ASIC2: variants seen among roughly 807,000 people sequenced by gnomAD.
ASIC2 encodes the protein acid sensing ion channel subunit 2.
A neutral mutation model predicts 57.3 loss-of-function variants in ASIC2; 25 were observed. That is an observed-to-expected ratio of 0.44 (90% confidence interval 0.32 to 0.61). The LOEUF is 0.61. Ranked by LOEUF, ASIC2 falls within the 20% of genes least tolerant of loss-of-function variation. The pLI is 0.06. For missense variants in ASIC2, 641 were observed against 738.1 expected, an observed-to-expected ratio of 0.87 and a Z score of 1.52; for synonymous variants, 319 against 307.5, an observed-to-expected ratio of 1.04 and a Z score of -0.39.
intron 1 of ASIC2, among the ~76,000 whole-genome samples, chr17:33,181,417 G>T (rs560168606): frequency 6.6e-6 from 1 of 152,218 alleles, no homozygotes; most frequent in South Asian, 2.1e-4. Context: ...CAAATGTGGT[G>T]GCTTAGAACA....
chr17:34,088,169 G>A (rs1275551677), intron 1 of ASIC2, among the ~76,000 whole-genome samples: 2 of 152,104 alleles, frequency 1.3e-5, no homozygotes, highest in Non-Finnish European at 2.9e-5. Flanking sequence ...CATCTTTGTG[G>A]TTTTATCTAC....
At chr17:33,295,857 A>G, upstream of ASIC2, among the ~76,000 whole-genome samples, 1 of 151,940 alleles carries the variant, frequency 6.6e-6, no homozygotes, top group East Asian at 1.9e-4. Context: ...TTTATACACT[A>G]TTTGTTTTTT....
intron 3 of ASIC2, among the ~76,000 whole-genome samples, chr17:33,053,026 A>G (rs1387132516): frequency 6.6e-6 from 1 of 152,196 alleles, no homozygotes; most frequent in Non-Finnish European, 1.5e-5. Context: ...GAATGGCAGC[A>G]TGGAGAACCG....
intron 1 of ASIC2, among the ~76,000 whole-genome samples, chr17:33,140,756 G>A (rs993027629): frequency 6.6e-6 from 1 of 152,234 alleles, no homozygotes; most frequent in African/African-American, 2.4e-5. Context: ...AGAGACCCAC[G>A]GCTCCCTGTG....
chr17:33,868,270 G>A (rs548413877), intron 1 of ASIC2, among the ~76,000 whole-genome samples: 1 of 152,020 alleles, frequency 6.6e-6, no homozygotes, highest in East Asian at 1.9e-4. Context: ...AATCTCTGTA[G>A]TAACTATTCA....
At chr17:33,316,702 G>A (rs370484286) in intron 1 of ASIC2, among the ~76,000 whole-genome samples, 3 of 152,254 alleles carry the variant, frequency 2.0e-5, no homozygotes, top group African/African-American at 7.2e-5. Flanking sequence ...AATTTTGAGG[G>A]CAAAGCTTTG....
At chr17:33,819,956 C>G (rs1162654822) in intron 1 of ASIC2, among the ~76,000 whole-genome samples, 1 of 152,162 alleles carries the variant, frequency 6.6e-6, no homozygotes, top group African/African-American at 2.4e-5. Context: ...AGGCTTCGGT[C>G]TCCTGCCTCT....
intron 1 of ASIC2, among the ~76,000 whole-genome samples, chr17:33,212,157 T>A (rs1391844947): frequency 6.6e-6 from 1 of 152,238 alleles, no homozygotes; most frequent in Non-Finnish European, 1.5e-5. Context: ...TGCACAGATA[T>A]CCACGTCCTA....
At chr17:33,692,464 A>T (rs994686556) in intron 1 of ASIC2, 10 of 152,214 alleles carry the variant, frequency 6.6e-5, no homozygotes, top group Non-Finnish European at 1.5e-4. Flanking sequence ...TTATTAACAT[A>T]AGGTACTCTG....
chr17:33,917,894 A>G (rs1915620933), intron 1 of ASIC2, among the ~76,000 whole-genome samples: 1 of 148,506 alleles, frequency 6.7e-6, no homozygotes, highest in African/African-American at 2.6e-5. Flanking sequence ...GCATGTGCAC[A>G]CACACACACA....
intron 1 of ASIC2, among the ~76,000 whole-genome samples, chr17:33,403,566 A>G (rs1458749232): frequency 2.0e-5 from 3 of 152,238 alleles, no homozygotes; most frequent in Non-Finnish European, 2.9e-5. Context: ...TTTATTCTTC[A>G]GTGAAAAGCC....
chr17:33,456,358 T>A lies in ASIC2; in HGVS notation c.556-344291A>T, dbSNP rs538578821. 7.9e-5 allele frequency among the ~76,000 whole-genome samples: 12 copies of A among 151,808 alleles called. No individual in the cohort carries two copies. The East Asian group carries it at 2.3e-3, about 30-fold the overall frequency. On this transcript the variant is annotated intron_variant, in intron 1 of 9. Transcript: ENST00000359872. Reference sequence around the variant, plus strand: ...TCTTAGCCTATCTTCCCTCCCCACTTCCTCCCAAATAGCCCCCAGGATGCT... The same window carrying A: ...TCTTAGCCTATCTTCCCTCCCCACTACCTCCCAAATAGCCCCCAGGATGCT...
intron 1 of ASIC2, among the ~76,000 whole-genome samples, chr17:33,267,432 G>A (rs546932575): frequency 5.9e-5 from 9 of 152,290 alleles, no homozygotes; most frequent in Non-Finnish European, 1.2e-4. Flanking sequence ...GATATAATCT[G>A]ACTGTATTAG....
chr17:33,219,689 A>C (rs116480154), intron 1 of ASIC2, among the ~76,000 whole-genome samples: 1 of 151,982 alleles, frequency 6.6e-6, no homozygotes, highest in Non-Finnish European at 1.5e-5. Context: ...GAGATGGGGG[A>C]AAAGTTTCGG....
Position 33,153,140 on chromosome 17 carries a change from T to C in ASIC2, c.709-41073A>G, listed in dbSNP as rs568126024. On this transcript the variant is annotated intron_variant, in intron 1 of 9. Transcript: ENST00000225823. ...GGGATGGTCATCCCCATTGCAGAGA[T>C]GAGGAAACAGTCTCAGAATTGAAGC... is the stretch of plus-strand genomic sequence containing the variant. 6.6e-5 allele frequency among the ~76,000 whole-genome samples: 10 copies of C among 152,318 alleles called. No individual in the cohort carries two copies. The East Asian group carries it at 1.9e-3, about 29-fold the overall frequency.
rs138750656 is a variant in ASIC2, at chr17:33,170,567, A to G, written c.709-58500T>C. The stretch of plus-strand genomic sequence containing the variant: ...GCAGCATTGCCCGTCCCTTTCATGT[A>G]GGCTTCACTGAGACATTTGCCCAGA... On this transcript the variant is annotated intron_variant, in intron 1 of 9. Transcript: ENST00000225823. 2.2e-3 allele frequency among the ~76,000 whole-genome samples: 334 copies of G among 152,308 alleles called. 3 individuals carry two copies. The highest frequency in any genetic ancestry group is 7.8e-3 in the African/African-American group (326 of 41,570).
intron 1 of ASIC2, among the ~76,000 whole-genome samples, chr17:33,548,037 A>G (rs1004267471): frequency 6.6e-6 from 1 of 152,238 alleles, no homozygotes; most frequent in East Asian, 1.9e-4. Context: ...ATCAGAATGC[A>G]GTCTCTCAGA....
At chr17:33,247,728 G>A (rs914750265) in intron 1 of ASIC2, among the ~76,000 whole-genome samples, 3 of 152,194 alleles carry the variant, frequency 2.0e-5, no homozygotes, top group Non-Finnish European at 4.4e-5. Flanking sequence ...CAGTGGTTGT[G>A]TAAGGACAGG....
chr17:33,026,881 C>T (rs902401228), intron 4 of ASIC2, among the ~76,000 whole-genome samples: 3 of 152,222 alleles, frequency 2.0e-5, no homozygotes, highest in Non-Finnish European at 2.9e-5. Context: ...ATGCTTTCTC[C>T]TTTCCAAAAA....
Sources: gnomAD v4.1 joint callset for allele counts (sites outside exome capture counted in the v4.1 genomes callset) on GRCh38, gnomAD v4.1.1 for gene constraint, MANE v1.5 for transcripts, NCBI Gene and HGNC (gene_info 2026-07-23, HGNC 2026-07-21) for gene names.